MBNL1: variants seen among roughly 807,000 people sequenced by gnomAD.
MBNL1 encodes muscleblind-like protein 1.
A neutral mutation model predicts 42.2 loss-of-function variants in MBNL1; 8 were observed. That is an observed-to-expected ratio of 0.19 (90% confidence interval 0.11 to 0.34). The LOEUF (loss-of-function observed/expected upper bound fraction) is 0.34. MBNL1 is among the 10% of genes least tolerant of loss of function. MBNL1 has a pLI of 1.00. For missense variants in MBNL1, 309 were observed against 495.3 expected (o/e 0.62, Z 3.57); for synonymous variants, 169 against 173.9 (o/e 0.97, Z 0.22).
At chr3:152,369,610 G>A (rs2096574201) in intron 2 of MBNL1, among the ~76,000 whole-genome samples, 1 of 152,110 alleles carries the variant, frequency 6.6e-6, no homozygotes, top group South Asian at 2.1e-4. Flanking sequence ...TGTACCTCTG[G>A]TAGAATTTGG....
At chr3:152,439,241 A>T (rs1444768987) in intron 4 of MBNL1, among the ~76,000 whole-genome samples, 1 of 152,214 alleles carries the variant, frequency 6.6e-6, no homozygotes, top group Non-Finnish European at 1.5e-5. Flanking sequence ...GCAGAAAAAA[A>T]TATAATACCC....
rs1294781165 is a variant in MBNL1 at position 152,447,770 on chromosome 3, C to G, written c.958C>G (p.Pro320Ala). ...QLQQHTAFLP[P>A]GSILCMTPAT... ...ACAACAGCATACAGCATTTCTCCCA[C>G]CAGGTAAGGGGTGGGGTTTCTTAAT... The change falls in exon 6 of 10, where the codon CCA becomes GCA. Residue 320 changes from proline (P) to alanine (A), a missense_variant. Transcript: ENST00000324210. 3 of 1,612,838 alleles carry G rather than the reference C, an allele frequency of 1.9e-6. No individual in the cohort carries two copies. In the Admixed American group the frequency reaches 5.0e-5, roughly 27 times the overall value.
In MBNL1 at chr3:152,319,614, G is replaced by GTTTTTTTTTTTTTT. The variant is rs202070328; in HGVS notation, c.174+19259_174+19272dup. Reference sequence around the variant, plus strand: ...TACGGTGGCATTAAAGTTCTATACTGTTTTTTTTTTTTTTTTTTTTTTTTT... The same window carrying GTTTTTTTTTTTTTT: ...TACGGTGGCATTAAAGTTCTATACTGTTTTTTTTTTTTTTTTTTTTTTTTTTTTTTTTTTTTTTT... On this transcript the variant is annotated intron_variant, in intron 2 of 9. Coordinates refer to ENST00000324210, the MANE Select transcript of MBNL1 (RefSeq NM_021038.5). 2.4e-4 allele frequency among the ~76,000 whole-genome samples: 19 copies of GTTTTTTTTTTTTTT among 80,534 alleles called. 2 individuals carry two copies. Among genetic ancestry groups the GTTTTTTTTTTTTTT allele is most frequent in the Middle Eastern group, 8.8e-3 (1 of 114 alleles). The allele number at this position is 80,534 out of a possible 152,430, so 52.8% of individuals were successfully genotyped here.
intron 2 of MBNL1, among the ~76,000 whole-genome samples, chr3:152,350,854 G>A (rs921507445): frequency 2.0e-5 from 3 of 151,974 alleles, no homozygotes; most frequent in South Asian, 2.1e-4. Context: ...GACCCATCTC[G>A]ATAGAATTTC....
In MBNL1 at chr3:152,274,313, T is replaced by C. The variant is rs567788936; in HGVS notation, c.-790+5221T>C. 3.9e-5 allele frequency among the ~76,000 whole-genome samples: 6 copies of C among 152,296 alleles called. No homozygotes were observed. The South Asian group carries it at 1.0e-3, about 26-fold the overall frequency. The stretch of plus-strand genomic sequence containing the variant: ...AAGTTGATTTATAAGTGAATACATA[T>C]TGTGAAAAAATACCACAGTAGACTT... On this transcript the variant is annotated intron_variant, in intron 1 of 9. Transcript: ENST00000324210.
chr3:152,453,215 A>G (rs896630823), intron 6 of MBNL1, among the ~76,000 whole-genome samples: 6 of 152,162 alleles, frequency 3.9e-5, no homozygotes, highest in Admixed American at 3.3e-4. Flanking sequence ...GAATTATTAC[A>G]TCGAAATTCT....
At chr3:152,340,266 C>T (rs2092789662) in intron 2 of MBNL1, 2 of 377,220 alleles carry the variant, frequency 5.3e-6, no homozygotes, top group Non-Finnish European at 9.5e-6. Flanking sequence ...AGGCTGCAGG[C>T]ATCACTGCAC....
chr3:152,393,387 A>G (rs1347144431), intron 2 of MBNL1, among the ~76,000 whole-genome samples: 1 of 152,232 alleles, frequency 6.6e-6, no homozygotes, highest in Non-Finnish European at 1.5e-5. Context: ...TTTAATGGGC[A>G]TGATAATTTT....
In MBNL1 at chr3:152,295,096, C is replaced by G. The variant is rs1158826265; in HGVS notation, c.-789-4309C>G. Among the ~76,000 whole-genome samples, 4 of 152,198 alleles carry G rather than the reference C, an allele frequency of 2.6e-5. No individual in the cohort carries two copies. In the East Asian group the frequency reaches 7.7e-4, roughly 29 times the overall value. The stretch of plus-strand genomic sequence containing the variant: ...CTATTTTAATTGTTCAGTGTCTATG[C>G]CTGAACTAATTATTAATACTTTGAT... On this transcript the variant is annotated intron_variant, in intron 1 of 9. Transcript: ENST00000324210.
At chr3:152,344,087 C>T (rs972275992) in intron 2 of MBNL1, among the ~76,000 whole-genome samples, 5 of 151,948 alleles carry the variant, frequency 3.3e-5, no homozygotes, top group Middle Eastern at 3.4e-3. Flanking sequence ...ACTGGTATAA[C>T]TTTGAGGTTT....
chr3:152,456,220 T>C, intron 7 of MBNL1, 47 bp from the exon 8 acceptor site: 1 of 1,304,510 alleles, frequency 7.7e-7, no homozygotes. Context: ...GTTTCCATAT[T>C]GCTACACTCT....
chr3:152,430,777 T>C (rs1037200838), intron 3 of MBNL1, among the ~76,000 whole-genome samples: 2 of 152,154 alleles, frequency 1.3e-5, no homozygotes, highest in Non-Finnish European at 2.9e-5. Flanking sequence ...TGACAGCTTG[T>C]TGATAAGATT....
At chr3:152,357,803 T>C (rs893265450) in intron 2 of MBNL1, among the ~76,000 whole-genome samples, 1 of 152,200 alleles carries the variant, frequency 6.6e-6, no homozygotes, top group Admixed American at 6.5e-5. Flanking sequence ...TTCAGTGAGA[T>C]GATAAGAAAG....
intron 6 of MBNL1, chr3:152,449,512 T>A (rs1717491855): frequency 1.3e-5 from 2 of 152,196 alleles, no homozygotes; most frequent in Non-Finnish European, 2.9e-5. Flanking sequence ...TGACTATAGT[T>A]TTTTTTCTAA....
At chr3:152,364,922 C>T (rs1304032484) in intron 2 of MBNL1, among the ~76,000 whole-genome samples, 2 of 150,960 alleles carry the variant, frequency 1.3e-5, no homozygotes, top group Non-Finnish European at 2.9e-5. Flanking sequence ...GACGTTGGTT[C>T]GATGTACTAG....
chr3:152,294,278 C>A (rs1216461346), intron 1 of MBNL1, among the ~76,000 whole-genome samples: 1 of 121,066 alleles, frequency 8.3e-6, no homozygotes. Context: ...AAGTTTGATT[C>A]TTTTTTTTTT....
At chr3:152,381,623 T>C (rs182517711) in intron 2 of MBNL1, among the ~76,000 whole-genome samples, 1 of 152,174 alleles carries the variant, frequency 6.6e-6, no homozygotes, top group East Asian at 1.9e-4. Context: ...CAAAATTTTA[T>C]TTTATATTTC....
In MBNL1 at chr3:152,269,011, G is replaced by A. The variant is rs1043829182; in HGVS notation, c.-871G>A. On this transcript the variant is annotated 5_prime_UTR_variant, in exon 1 of 10. Transcript: ENST00000324210. Reference sequence around the variant, plus strand: ...GCTGACAAGTTCCATTTTCCGTCGCGGGCATCTTGGAATCATGACTCCCAC... The same window carrying A: ...GCTGACAAGTTCCATTTTCCGTCGCAGGCATCTTGGAATCATGACTCCCAC... The A allele has an allele frequency of 8.8e-6, 4 of 456,266 alleles. No homozygotes were observed. The highest frequency in any genetic ancestry group is 1.3e-5 in the Non-Finnish European group (3 of 226,970). 28.3% of individuals were successfully genotyped at this position (456,266 alleles called of 1,614,324 possible). A position where few individuals can be genotyped will look rare whatever the true frequency, so the allele number is the denominator to read the frequency against.
intron 2 of MBNL1, among the ~76,000 whole-genome samples, chr3:152,387,873 G>C (rs2097518950): frequency 6.6e-6 from 1 of 152,104 alleles, no homozygotes; most frequent in Non-Finnish European, 1.5e-5. Context: ...TTTATTGCTA[G>C]TAGTCTAAGA....
Sources: gnomAD v4.1 joint callset for allele counts (sites outside exome capture counted in the v4.1 genomes callset) on GRCh38, gnomAD v4.1.1 for gene constraint, MANE v1.5 for transcripts, NCBI Gene and HGNC (gene_info 2026-07-23, HGNC 2026-07-21) for gene names.